The following FGF7 variants were observed in gnomAD, a reference collection of about 807,000 sequenced individuals.
FGF7 encodes FGF-7.
FGF7 carries 6 observed loss-of-function variants against 20.5 expected under a neutral mutation model. The ratio of observed to expected loss-of-function variants is 0.29; its 90% confidence interval spans 0.16 to 0.58. The LOEUF (loss-of-function observed/expected upper bound fraction) is 0.58. FGF7 is among the 20% of genes least tolerant of loss of function. FGF7 has a pLI of 0.90. For missense variants in FGF7, 144 were observed against 228.8 expected (o/e 0.63, Z 2.39); for synonymous variants, 64 against 74.7 (o/e 0.86, Z 0.74).
intron 2 of FGF7, among the ~76,000 whole-genome samples, chr15:49,450,891 T>C (rs1461769767): frequency 1.3e-5 from 2 of 152,122 alleles, no homozygotes; most frequent in African/African-American, 2.4e-5. Flanking sequence ...CTGAACCTAT[T>C]TGGGAAAAAA....
chr15:49,471,384 GA>G (rs1303653283), intron 2 of FGF7, among the ~76,000 whole-genome samples: 4 of 151,780 alleles, frequency 2.6e-5, no homozygotes, highest in East Asian at 3.9e-4. Context: ...TCAGGAGGCT[GA>G]AGGAGGAGAA....
At chr15:49,465,961 T>G (rs1020580952) in intron 2 of FGF7, among the ~76,000 whole-genome samples, 1 of 152,182 alleles carries the variant, frequency 6.6e-6, no homozygotes, top group Admixed American at 6.5e-5. Flanking sequence ...GGGGGTTAGC[T>G]GAAGCATAAG....
intron 2 of FGF7, among the ~76,000 whole-genome samples, chr15:49,459,003 A>G (rs1409100524): frequency 1.3e-5 from 2 of 152,278 alleles, no homozygotes; most frequent in South Asian, 2.1e-4. Flanking sequence ...ATTGTCCTTC[A>G]TTTCTATTAA....
At chr15:49,457,790 T>C (rs1433884573) in intron 2 of FGF7, among the ~76,000 whole-genome samples, 4 of 151,944 alleles carry the variant, frequency 2.6e-5, no homozygotes, top group African/African-American at 7.2e-5. Flanking sequence ...ATACATTATA[T>C]TAGAGAATAG....
chr15:49,429,978 G>T (rs1344074720), intron 2 of FGF7, among the ~76,000 whole-genome samples: 1 of 151,906 alleles, frequency 6.6e-6, no homozygotes, highest in Non-Finnish European at 1.5e-5. Flanking sequence ...CAGGGGTCTT[G>T]GGAATGTTTC....
rs564031183 is a variant in FGF7 at position 49,427,511 on chromosome 15, C to T, written c.286+2928C>T. ...ATGTCAATCACCTTTCTTTGGAGGTCTTTTAAGTTAGTATAGATTTTAGTG... is the reference window on the plus strand; with the variant it reads ...ATGTCAATCACCTTTCTTTGGAGGTTTTTTAAGTTAGTATAGATTTTAGTG... On this transcript the variant is annotated intron_variant, in intron 2 of 3. Transcript: ENST00000267843. Among the ~76,000 whole-genome samples, 9 of 151,948 alleles carry T rather than the reference C, an allele frequency of 5.9e-5. No individual in the cohort carries two copies. In the East Asian group the frequency reaches 1.8e-3, roughly 30 times the overall value.
intron 2 of FGF7, among the ~76,000 whole-genome samples, chr15:49,459,655 T>C (rs912331692): frequency 7.2e-5 from 11 of 152,182 alleles, no homozygotes; most frequent in Non-Finnish European, 1.3e-4. Flanking sequence ...CTAGTATTTC[T>C]ATAGTTCTCT....
At chr15:49,463,275 C>T (rs2053963659) in intron 2 of FGF7, among the ~76,000 whole-genome samples, 1 of 152,156 alleles carries the variant, frequency 6.6e-6, no homozygotes, top group Admixed American at 6.5e-5. Context: ...CAAATTCGGC[C>T]AGGCACAGTG....
In FGF7 at chr15:49,459,685, TC is replaced by T. The variant is rs775339616; in HGVS notation, c.287-23465del. On this transcript the variant is annotated intron_variant, in intron 2 of 3. Coordinates refer to ENST00000267843, the MANE Select transcript of FGF7 (RefSeq NM_002009.4). ...TTCTCTACACTATTATTTTATGCTT[TC>T]AAAAATGACTGTACACATTTTCAGG... Among the ~76,000 whole-genome samples, 35 of 152,330 alleles carry T rather than the reference TC, an allele frequency of 2.3e-4. 1 individual carries two copies. In the East Asian group the frequency reaches 6.6e-3, roughly 29 times the overall value.
At chr15:49,471,194 G>T (rs1008904044) in intron 2 of FGF7, among the ~76,000 whole-genome samples, 1 of 151,966 alleles carries the variant, frequency 6.6e-6, no homozygotes, top group South Asian at 2.1e-4. Flanking sequence ...TAAGAATATG[G>T]CAAATGTGAG....
chr15:49,427,846 GA>G (rs1465196183), intron 2 of FGF7, among the ~76,000 whole-genome samples: 1 of 151,964 alleles, frequency 6.6e-6, no homozygotes, highest in Non-Finnish European at 1.5e-5. Flanking sequence ...AGGGCATGGA[GA>G]AAGAAAAGGG....
chr15:49,471,729 A>C (rs904355614), intron 2 of FGF7, among the ~76,000 whole-genome samples: 1 of 152,080 alleles, frequency 6.6e-6, no homozygotes, highest in African/African-American at 2.4e-5. Context: ...CATCCAGAAA[A>C]GCTAGCTGAC....
chr15:49,484,098 TGTG>T (rs1453955807), intron 3 of FGF7, among the ~76,000 whole-genome samples: 1 of 152,060 alleles, frequency 6.6e-6, no homozygotes. Flanking sequence ...CTGTGTATTA[TGTG>T]GTGTTTTTAT....
At chr15:49,457,965 G>A (rs536480492) in intron 2 of FGF7, among the ~76,000 whole-genome samples, 11 of 151,726 alleles carry the variant, frequency 7.2e-5, no homozygotes, top group Non-Finnish European at 1.0e-4. Context: ...TTTATCTTTC[G>A]TTAGGCATCA....
intron 2 of FGF7, among the ~76,000 whole-genome samples, chr15:49,455,854 C>CT (rs1212700334): frequency 1.3e-5 from 2 of 151,718 alleles, no homozygotes; most frequent in South Asian, 2.1e-4. Context: ...TGGCTTTTTT[C>CT]TTTTTTTTCT....
intron 2 of FGF7, among the ~76,000 whole-genome samples, chr15:49,475,989 C>A (rs2055226834): frequency 6.6e-6 from 1 of 152,144 alleles, no homozygotes; most frequent in African/African-American, 2.4e-5. Flanking sequence ...CTTCCTATTC[C>A]AGACATACAG....
intron 2 of FGF7, among the ~76,000 whole-genome samples, chr15:49,441,807 T>A (rs1020698091): frequency 6.6e-6 from 1 of 151,780 alleles, no homozygotes; most frequent in Admixed American, 6.6e-5. Flanking sequence ...AAATGTATTA[T>A]CTCATTGAAT....
chr15:49,427,278 T>G (rs1263837512), intron 2 of FGF7, among the ~76,000 whole-genome samples: 1 of 152,038 alleles, frequency 6.6e-6, no homozygotes, highest in East Asian at 1.9e-4. Flanking sequence ...ATTTGAAGAT[T>G]GTTTACATTC....
At chr15:49,482,688 A>T (rs1322759994) in intron 2 of FGF7, among the ~76,000 whole-genome samples, 6 of 152,066 alleles carry the variant, frequency 3.9e-5, no homozygotes, top group Non-Finnish European at 8.8e-5. Flanking sequence ...ATTTGGGCAA[A>T]TTTCTTAGTT....
Sources: allele counts gnomAD v4.1 joint callset (sites outside exome capture counted in the v4.1 genomes callset), GRCh38; gene constraint gnomAD v4.1.1; transcripts MANE v1.5; gene names NCBI Gene and HGNC (gene_info 2026-07-23, HGNC 2026-07-21).